Variants in C1orf174 observed in about 807,000 individuals in gnomAD.
C1orf174 encodes the protein UPF0688 protein C1orf174.
Under a neutral mutation model 18.4 loss-of-function variants are expected in C1orf174, and 13 were observed. The ratio of observed to expected loss-of-function variants is 0.71; its 90% confidence interval spans 0.46 to 1.12. The LOEUF (loss-of-function observed/expected upper bound fraction) is 1.12, where lower values mean the gene tolerates loss of function less well. Ranked by LOEUF, C1orf174 falls within the 50% of genes most tolerant of loss-of-function variation. The pLI is 0.00. For missense variants in C1orf174, 309 were observed against 308.0 expected (o/e 1.00, Z -0.02); for synonymous variants, 100 against 118.3 (o/e 0.85, Z 1.01).
chr1:3,889,794 T>A lies in C1orf174; in HGVS notation c.*166A>T. 3 of 646,992 alleles carry A rather than the reference T, an allele frequency of 4.6e-6. No individual in the cohort carries two copies. Among genetic ancestry groups the A allele is most frequent in the Non-Finnish European group, 5.6e-6 (2 of 358,882 alleles). 40.1% of individuals were successfully genotyped at this position (646,992 alleles called of 1,614,324 possible). ...TTGAGTTTTAGTTCCCATGAGTACA[T>A]CCTCCACAGGTATTGGGTGCTTTGC... On this transcript the variant is annotated 3_prime_UTR_variant, in exon 4 of 4. Transcript: ENST00000361605.
At chr1:3,894,723 G>C (rs1165867185) in intron 1 of C1orf174, among the ~76,000 whole-genome samples, 1 of 152,190 alleles carries the variant, frequency 6.6e-6, no homozygotes, top group African/African-American at 2.4e-5. Flanking sequence ...GGCAGTCAGA[G>C]TGTGTGTCTG....
rs193046938 is a variant in C1orf174 at position 3,889,907 on chromosome 1, T to C, written c.*53A>G. ...TATATAAATCTTGTAATGTGCTAAA[T>C]TGTCAAATTGTTAATGGTACTAAAT... On this transcript the variant is annotated 3_prime_UTR_variant, in exon 4 of 4. Transcript: ENST00000361605. 141 of 1,415,168 alleles carry C rather than the reference T, an allele frequency of 1.0e-4. No individual in the cohort carries two copies. Among genetic ancestry groups the C allele is most frequent in the East Asian group, 5.7e-4 (25 of 43,938 alleles). The allele number at this position is 1,415,168 out of a possible 1,614,324, so 87.7% of individuals were successfully genotyped here. A position where few individuals can be genotyped will look rare whatever the true frequency, so the allele number is the denominator to read the frequency against.
At chr1:3,891,862 C>T in intron 2 of C1orf174, 3 of 967,170 alleles carry the variant, frequency 3.1e-6, no homozygotes, top group Non-Finnish European at 3.7e-6. Flanking sequence ...GGATCAGAGC[C>T]CGGGTCTAGA....
At position 3,889,667 on chromosome 1, in the gene C1orf174, C is replaced by A; in HGVS notation, c.*293G>T. 3.9e-6 allele frequency: 1 copy of A among 257,556 alleles called. No individual in the cohort carries two copies. Among genetic ancestry groups the A allele is most frequent in the Non-Finnish European group, 7.6e-6 (1 of 131,384 alleles). The allele number at this position is 257,556 out of a possible 1,614,324, so 16.0% of individuals were successfully genotyped here. A position where few individuals can be genotyped will look rare whatever the true frequency, so the allele number is the denominator to read the frequency against. On this transcript the variant is annotated 3_prime_UTR_variant, in exon 4 of 4. Coordinates refer to ENST00000361605, the MANE Select transcript of C1orf174 (RefSeq NM_207356.3). ...CCGAGATTGCGCCATTGCACTCCAGCCTGGGCGACAAGAGAGAAACTCTGT... is the reference window on the plus strand; with the variant it reads ...CCGAGATTGCGCCATTGCACTCCAGACTGGGCGACAAGAGAGAAACTCTGT...
chr1:3,889,941 A>C lies in C1orf174; in HGVS notation c.*19T>G. On this transcript the variant is annotated 3_prime_UTR_variant, in exon 4 of 4. Coordinates refer to ENST00000361605, the MANE Select transcript of C1orf174 (RefSeq NM_207356.3). ...TGTTAATGGTACTAAATACTCAAGG[A>C]CATTATTTTGTATGGCCCCTACATT... The C allele has an allele frequency of 6.3e-7, 1 of 1,577,802 alleles. No homozygotes were observed. The highest frequency in any genetic ancestry group is 1.1e-5 in the South Asian group (1 of 90,366).
intron 1 of C1orf174, among the ~76,000 whole-genome samples, chr1:3,894,039 ATTTG>A (rs1292025181): frequency 1.3e-5 from 2 of 152,228 alleles, no homozygotes; most frequent in Non-Finnish European, 2.9e-5. Flanking sequence ...TATAGATTTT[ATTTG>A]TATTTTATCG....
At position 3,890,728 on chromosome 1, in the gene C1orf174, G is replaced by A; in HGVS notation, c.459C>T (p.Ser153=). Reference sequence around the variant, plus strand: ...GCTTCTGCACAGTGGAGCTGCTGTTGGATTCTTCTGCTCCGGACCCGGCAC... The same window carrying A: ...GCTTCTGCACAGTGGAGCTGCTGTTAGATTCTTCTGCTCCGGACCCGGCAC... ...KHSAGSGAEE[S]NSSSTVQKQN... The change falls in exon 3 of 4, where the codon TCC becomes TCT. Residue 153 remains serine (S), a synonymous_variant. Coordinates refer to ENST00000361605, the MANE Select transcript of C1orf174 (RefSeq NM_207356.3). The A allele has an allele frequency of 6.2e-7, 1 of 1,614,050 alleles. No individual in the cohort carries two copies. Among genetic ancestry groups the A allele is most frequent in the Non-Finnish European group, 8.5e-7 (1 of 1,180,008 alleles).
At chr1:3,890,130 T>A in intron 3 of C1orf174, 57 bp from the exon 4 acceptor site, 1 of 1,384,914 alleles carries the variant, frequency 7.2e-7, no homozygotes, top group Non-Finnish European at 1.0e-6. Flanking sequence ...TGCACCCGCA[T>A]TTGCAATGTG....
rs1638474447 is a variant in C1orf174 at position 3,890,033 on chromosome 1, C to T, written c.659G>A (p.Arg220Lys). Residue 220 changes from arginine to lysine, a missense_variant, in exon 4 of 4, where the codon AGA (arginine) becomes AAA (lysine). By Grantham distance (26) the Arg-to-Lys change is conservative. Transcript: ENST00000361605. ...PASSSCPSMSRREFRKMHFRA... is the reference protein window; with the variant it reads ...PASSSCPSMSKREFRKMHFRA... ...GAAATGCATTTTTCTGAACTCTCGT[C>T]TGCTCATTGAAGGACAAGATGAAGA... The T allele has an allele frequency of 3.1e-6, 5 of 1,614,200 alleles. No homozygotes were observed. The East Asian group carries it at 1.1e-4, about 36-fold the overall frequency.
chr1:3,897,552 T>A (rs1473032061), intron 1 of C1orf174, among the ~76,000 whole-genome samples: 7 of 151,994 alleles, frequency 4.6e-5, no homozygotes, highest in African/African-American at 1.7e-4. Context: ...TGCACTAACA[T>A]ACACAAAATA....
chr1:3,891,246 C>G (rs1638505460), intron 2 of C1orf174, 189 bp from the exon 3 acceptor site: 5 of 682,362 alleles, frequency 7.3e-6, no homozygotes, highest in Non-Finnish European at 1.2e-5. Context: ...CTAGACACAC[C>G]CCACACCACT....
chr1:3,893,819 C>G (rs918029552), intron 1 of C1orf174, among the ~76,000 whole-genome samples: 1 of 152,162 alleles, frequency 6.6e-6, no homozygotes, highest in Non-Finnish European at 1.5e-5. Flanking sequence ...ATCACTTGAT[C>G]CCAGGAGTCT....
In C1orf174 at chr1:3,889,697, A is replaced by G. The variant is rs1638465311; in HGVS notation, c.*263T>C. The G allele has an allele frequency of 3.5e-6, 1 of 285,986 alleles. No homozygotes were observed. The highest frequency in any genetic ancestry group is 6.4e-6 in the Non-Finnish European group (1 of 156,826). The allele number at this position is 285,986 out of a possible 1,614,324, so 17.7% of individuals were successfully genotyped here. ...GCGACAAGAGAGAAACTCTGTCTCC[A>G]AGGAAAAAAAAAAAAAAAAAAAAAG... is the stretch of plus-strand genomic sequence containing the variant. On this transcript the variant is annotated 3_prime_UTR_variant, in exon 4 of 4. Coordinates refer to ENST00000361605, the MANE Select transcript of C1orf174 (RefSeq NM_207356.3).
At chr1:3,899,978 G>A (rs1269619403) in intron 1 of C1orf174, among the ~76,000 whole-genome samples, 194 bp downstream of exon 1, 2 of 152,080 alleles carry the variant, frequency 1.3e-5, no homozygotes, top group Non-Finnish European at 2.9e-5. Context: ...CTTTTCACAG[G>A]GGCGTGACCT....
In C1orf174 at chr1:3,889,995, C is replaced by T. The variant is rs1450424993; in HGVS notation, c.697G>A (p.Asp233Asn). ...GCATCATCGTCGTCGTCATCATCAT[C>T]ATCTTTGGCTCTGAAATGCATTTTT... ...FRKMHFRAKD[D>N]DDDDDDDAEM is the part of the protein sequence containing the mutation. Residue 233 changes from aspartate (D) to asparagine (N), a missense_variant, in exon 4 of 4, where the codon GAT (aspartate) becomes AAT (asparagine). Physicochemically the swap from Asp to Asn is conservative, Grantham distance 23. Coordinates refer to ENST00000361605, the MANE Select transcript of C1orf174 (RefSeq NM_207356.3). 1 of 1,614,094 alleles carries T rather than the reference C, an allele frequency of 6.2e-7. No homozygotes were observed. Among genetic ancestry groups the T allele is most frequent in the Non-Finnish European group, 8.5e-7 (1 of 1,180,046 alleles).
At chr1:3,900,070 A>G in intron 1 of C1orf174, 102 bp downstream of exon 1, 1 of 1,411,174 alleles carries the variant, frequency 7.1e-7, no homozygotes, top group East Asian at 2.9e-5. Context: ...GGCCGCTCCT[A>G]GGCCACAGGC....
At chr1:3,895,555 T>G (rs1638591818) in intron 1 of C1orf174, 1 of 110,900 alleles carries the variant, frequency 9.0e-6, no homozygotes, top group African/African-American at 3.3e-5. Context: ...GAGGATCTGG[T>G]GGGCCTGGAA....
At chr1:3,896,146 T>C (rs10797352) in intron 1 of C1orf174, 59,076 of 152,604 alleles carry the variant, frequency 0.39, 12,164 homozygotes, top group African/African-American at 0.53. Context: ...AGAGGCAGGA[T>C]AGCAGTGCTT....
intron 2 of C1orf174, 23 bp from the exon 3 acceptor site, chr1:3,891,080 G>T (rs1227514934): frequency 6.3e-7 from 1 of 1,594,572 alleles, no homozygotes; most frequent in South Asian, 1.1e-5. Context: ...AAAATGTAAG[G>T]GGAACCAGAC....
Sources: gnomAD v4.1 joint callset for allele counts (sites outside exome capture counted in the v4.1 genomes callset) on GRCh38, gnomAD v4.1.1 for gene constraint, MANE v1.5 for transcripts, NCBI Gene and HGNC (gene_info 2026-07-23, HGNC 2026-07-21) for gene names.